ATP8A1: variants seen among roughly 807,000 people sequenced by gnomAD.
ATP8A1 encodes phospholipid-transporting ATPase IA.
In ATP8A1, 90 loss-of-function variants were observed where a neutral mutation model predicts 177.7. The ratio of observed to expected loss-of-function variants is 0.51; its 90% CI spans 0.43 to 0.60. The LOEUF (loss-of-function observed/expected upper bound fraction) is 0.60, where lower values mean the gene tolerates loss of function less well. ATP8A1 is among the 20% of genes least tolerant of loss of function. ATP8A1 has a pLI of 0.00. For missense variants in ATP8A1, 1,072 were observed against 1,392.8 expected (o/e 0.77, Z 3.67); for synonymous variants, 493 against 485.9 (o/e 1.01, Z -0.19).
chr4:42,437,331 G>A (rs369456575), intron 33 of ATP8A1, among the ~76,000 whole-genome samples: 2 of 152,010 alleles, frequency 1.3e-5, no homozygotes, highest in East Asian at 1.9e-4. Flanking sequence ...TAGACGAGTC[G>A]GAAAAGCAGG....
chr4:42,421,835 A>G (rs1458077144), intron 35 of ATP8A1, among the ~76,000 whole-genome samples: 1 of 152,112 alleles, frequency 6.6e-6, no homozygotes. Context: ...TCCTCCTCCT[A>G]TCTTAATAAT....
chr4:42,549,038 A>ATTCATACCTTTC lies in ATP8A1; in HGVS notation c.1626_1627insGAAAGGTATGAA (p.Glu539_Glu542dup). The ATTCATACCTTTC allele has an allele frequency of 6.2e-7, 1 of 1,612,302 alleles. No individual in the cohort carries two copies. Among genetic ancestry groups the ATTCATACCTTTC allele is most frequent in the Non-Finnish European group, 8.5e-7 (1 of 1,178,944 alleles). ...CTGGTAAACTCCAAGACATTGAGCAATTCATATCTTTCTTCCTGCCCCAGC... is the reference window on the plus strand; with the variant it reads ...CTGGTAAACTCCAAGACATTGAGCAATTCATACCTTTCTTCATATCTTTCTTCCTGCCCCAGC... On this transcript the variant is annotated inframe_insertion, in exon 19 of 37. Transcript: ENST00000381668.
intron 25 of ATP8A1, among the ~76,000 whole-genome samples, chr4:42,475,041 TAA>T (rs1720896635): frequency 6.6e-6 from 1 of 152,174 alleles, no homozygotes; most frequent in Non-Finnish European, 1.5e-5. Flanking sequence ...AACAATCCCA[TAA>T]GTTATTATTG....
chr4:42,552,806 C>T (rs1007168465), intron 16 of ATP8A1, among the ~76,000 whole-genome samples, 196 bp from the exon 17 acceptor site: 1 of 152,164 alleles, frequency 6.6e-6, no homozygotes, highest in African/African-American at 2.4e-5. Flanking sequence ...TGGTGAAACC[C>T]CGTCTCTACT....
At chr4:42,556,990 T>C (rs1427008196) in intron 15 of ATP8A1, among the ~76,000 whole-genome samples, 1 of 152,160 alleles carries the variant, frequency 6.6e-6, no homozygotes, top group East Asian at 1.9e-4. Context: ...TGTCATATTG[T>C]AAAGGCAGCA....
At chr4:42,646,273 C>A (rs564622127) in intron 1 of ATP8A1, among the ~76,000 whole-genome samples, 14 of 152,330 alleles carry the variant, frequency 9.2e-5, no homozygotes, top group African/African-American at 1.9e-4. Flanking sequence ...CAGGCCCCCC[C>A]ATCCTGGAGC....
Position 42,624,714 on chromosome 4 carries a change from C to T in ATP8A1, c.265-80G>A, listed in dbSNP as rs4861208. On this transcript the variant is annotated intron_variant, in intron 3 of 36. Transcript: ENST00000381668. The stretch of plus-strand genomic sequence containing the variant: ...TAGATTCAAGAAAACAGTCTCAGTG[C>T]CTTCTAAAATATGCCTCACTGATTT... The T allele has an allele frequency of 5.0e-4, 358 of 720,318 alleles. 1 individual carries two copies. The African/African-American group carries it at 6.0e-3, about 12-fold the overall frequency. The allele number at this position is 720,318 out of a possible 1,614,324, so 44.6% of individuals were successfully genotyped here.
intron 15 of ATP8A1, among the ~76,000 whole-genome samples, chr4:42,558,922 C>T (rs993449865): frequency 3.9e-5 from 6 of 152,338 alleles, no homozygotes; most frequent in African/African-American, 1.2e-4. Context: ...CGCCTGTAAT[C>T]CCAGCACTTT....
At chr4:42,414,987 A>G (rs544825300) in intron 35 of ATP8A1, 21 of 411,732 alleles carry the variant, frequency 5.1e-5, no homozygotes, top group African/African-American at 4.2e-4. Context: ...CCCCCCACTC[A>G]GTTATATTTA....
intron 1 of ATP8A1, among the ~76,000 whole-genome samples, chr4:42,648,168 G>A (rs1740729321): frequency 6.6e-6 from 1 of 152,038 alleles, no homozygotes; most frequent in Admixed American, 6.6e-5. Flanking sequence ...ATTCCAACAT[G>A]TTTTTTAACT....
chr4:42,596,542 C>T (rs758565137), intron 6 of ATP8A1, among the ~76,000 whole-genome samples: 3 of 151,732 alleles, frequency 2.0e-5, no homozygotes, highest in Non-Finnish European at 4.4e-5. Context: ...TGGCAGGCAC[C>T]TGTAATCCCA....
chr4:42,551,231 A>C lies in ATP8A1; in HGVS notation c.1569T>G (p.Thr523=). The change falls in exon 18 of 37, where the codon ACT becomes ACG. Residue 523 remains threonine (T), a synonymous_variant. Coordinates refer to ENST00000381668, the MANE Select transcript of ATP8A1 (RefSeq NM_006095.2). ...TAATCACCGAGTCGGGTGTTCTTCCAGTGAAAACAAAATTCAATTGCTTGG... is the reference window on the plus strand; with the variant it reads ...TAATCACCGAGTCGGGTGTTCTTCCCGTGAAAACAAAATTCAATTGCTTGG... The part of the protein sequence containing the change: ...RAAKQLNFVF[T]GRTPDSVIID... 6.2e-7 allele frequency: 1 copy of C among 1,613,940 alleles called. No homozygotes were observed. Among genetic ancestry groups the C allele is most frequent in the South Asian group, 1.1e-5 (1 of 91,068 alleles).
intron 24 of ATP8A1, among the ~76,000 whole-genome samples, chr4:42,486,341 C>G (rs1393518478): frequency 6.6e-6 from 1 of 152,190 alleles, no homozygotes; most frequent in Non-Finnish European, 1.5e-5. Flanking sequence ...ATGACCTAAT[C>G]TTGCTTGGAC....
chr4:42,657,100 G>A lies in ATP8A1; in HGVS notation c.-227C>T, dbSNP rs990873149. On this transcript the variant is annotated 5_prime_UTR_variant, in exon 1 of 37. Transcript: ENST00000381668. ...TGGCGGCGCCCGCAGAGCTGGGCGA[G>A]CTCTTGCTGCAGCCGCGGAGGGGCG... The A allele has an allele frequency of 5.5e-5, 22 of 401,096 alleles. No homozygotes were observed. Among genetic ancestry groups the A allele is most frequent in the Non-Finnish European group, 8.5e-5 (20 of 233,952 alleles). 24.8% of individuals were successfully genotyped at this position (401,096 alleles called of 1,614,324 possible).
At chr4:42,465,652 G>A (rs1401488833) in intron 25 of ATP8A1, among the ~76,000 whole-genome samples, 1 of 152,182 alleles carries the variant, frequency 6.6e-6, no homozygotes, top group Non-Finnish European at 1.5e-5. Flanking sequence ...ACCAGGAACA[G>A]AAAACACCAG....
At chr4:42,610,159 ATT>A (rs375207042) in intron 5 of ATP8A1, among the ~76,000 whole-genome samples, 32,475 of 142,310 alleles carry the variant, frequency 0.23, 3,999 homozygotes, top group Non-Finnish European at 0.3. Flanking sequence ...TTGGCCCTTA[ATT>A]TTTTTTTTTT....
At chr4:42,621,364 TTAA>T (rs1737447247) in intron 4 of ATP8A1, among the ~76,000 whole-genome samples, 1 of 152,264 alleles carries the variant, frequency 6.6e-6, no homozygotes, top group African/African-American at 2.4e-5. Flanking sequence ...AGAAAAAGTG[TTAA>T]TGTTTGTATA....
intron 33 of ATP8A1, among the ~76,000 whole-genome samples, chr4:42,426,796 C>A (rs140950535): frequency 6.6e-6 from 1 of 152,164 alleles, no homozygotes; most frequent in Non-Finnish European, 1.5e-5. Context: ...TCACAGCACA[C>A]GCTTGTCTTA....
chr4:42,464,423 C>T (rs1201172299), intron 27 of ATP8A1, among the ~76,000 whole-genome samples: 1 of 152,060 alleles, frequency 6.6e-6, no homozygotes, highest in East Asian at 1.9e-4. Flanking sequence ...TGCTACCACG[C>T]CTGGCTAATT....
Sources: allele counts gnomAD v4.1 joint callset (sites outside exome capture counted in the v4.1 genomes callset), GRCh38; gene constraint gnomAD v4.1.1; transcripts MANE v1.5; gene names NCBI Gene and HGNC (gene_info 2026-07-23, HGNC 2026-07-21).